Variants in EPHA4 observed in about 807,000 individuals in gnomAD.
EPHA4 encodes the protein EPH receptor A4, also known as ephrin type-A receptor 4.
In EPHA4, 19 loss-of-function variants were observed where a neutral mutation model predicts 108.3. The observed-to-expected ratio is 0.18, with a 90% CI of 0.12 to 0.26. The LOEUF (loss-of-function observed/expected upper bound fraction) is 0.26, where lower values mean the gene tolerates loss of function less well. EPHA4 is among the 10% of genes least tolerant of loss of function. The pLI, the probability that EPHA4 is intolerant of heterozygous loss-of-function variation, is 1.00. For synonymous variants in EPHA4, 449 were observed against 455.5 expected, an observed-to-expected ratio of 0.99 and a Z score of 0.18; for missense variants, 917 against 1,254.0, an observed-to-expected ratio of 0.73 and a Z score of 4.06.
chr2:221,467,249 G>C (rs532760938), intron 5 of EPHA4, among the ~76,000 whole-genome samples: 1 of 152,300 alleles, frequency 6.6e-6, no homozygotes, highest in South Asian at 2.1e-4. Flanking sequence ...TCTGTTCCTT[G>C]GCCTGGGTGA....
intron 15 of EPHA4, among the ~76,000 whole-genome samples, chr2:221,429,715 C>G (rs745786527): frequency 1.3e-5 from 2 of 152,120 alleles, no homozygotes; most frequent in Non-Finnish European, 2.9e-5. Flanking sequence ...TTATTTCTTT[C>G]CTACTATTAT....
chr2:221,549,982 A>G (rs1296766665), intron 3 of EPHA4, among the ~76,000 whole-genome samples: 1 of 152,156 alleles, frequency 6.6e-6, no homozygotes, highest in African/African-American at 2.4e-5. Flanking sequence ...CTCCATCTCA[A>G]ACAAACAAAC....
In EPHA4 at chr2:221,441,153, A is replaced by T. The variant is rs7579164; in HGVS notation, c.2074+1676T>A. Among the ~76,000 whole-genome samples, 613 of 150,702 alleles carry T rather than the reference A, an allele frequency of 4.1e-3. 4 individuals are homozygous for T. The highest frequency in any genetic ancestry group is 0.014 in the African/African-American group (589 of 40,974). ...AAGATTTTGTACTTTGTGTCCTACT[A>T]GCCACCTGCCCCAGGCCTAATGTCT... On this transcript the variant is annotated intron_variant, in intron 11 of 17. Coordinates refer to ENST00000281821, the MANE Select transcript of EPHA4 (RefSeq NM_004438.5).
chr2:221,473,816 T>C (rs917647979), intron 5 of EPHA4, among the ~76,000 whole-genome samples: 1 of 152,150 alleles, frequency 6.6e-6, no homozygotes, highest in African/African-American at 2.4e-5. Context: ...AATCTCTTGA[T>C]GGCTTCTCCA....
chr2:221,449,646 G>A (rs1200546026), intron 8 of EPHA4, among the ~76,000 whole-genome samples: 1 of 152,180 alleles, frequency 6.6e-6, no homozygotes, highest in Non-Finnish European at 1.5e-5. Flanking sequence ...AGAACAGCGT[G>A]AGCCCTCTCA....
chr2:221,447,988 C>T (rs996332408), intron 8 of EPHA4, among the ~76,000 whole-genome samples: 2 of 151,866 alleles, frequency 1.3e-5, no homozygotes, highest in African/African-American at 4.8e-5. Flanking sequence ...ATTATAGGCA[C>T]CCGCCACCCA....
At chr2:221,475,776 CT>C (rs1691636061) in intron 5 of EPHA4, among the ~76,000 whole-genome samples, 1 of 152,160 alleles carries the variant, frequency 6.6e-6, no homozygotes, top group South Asian at 2.1e-4. Flanking sequence ...AAATATTATT[CT>C]GTTTTTTATT....
intron 15 of EPHA4, among the ~76,000 whole-genome samples, chr2:221,426,972 T>C (rs1689930927): frequency 6.6e-6 from 1 of 152,154 alleles, no homozygotes; most frequent in South Asian, 2.1e-4. Flanking sequence ...AAGAGTCCAG[T>C]CTCTGCCAGT....
chr2:221,545,403 A>T (rs1693964876), intron 3 of EPHA4, among the ~76,000 whole-genome samples: 1 of 152,088 alleles, frequency 6.6e-6, no homozygotes. Context: ...CAGGAGGCGG[A>T]GGTTGCAGTG....
chr2:221,442,389 G>C (rs1408228317), intron 11 of EPHA4, among the ~76,000 whole-genome samples: 2 of 152,338 alleles, frequency 1.3e-5, no homozygotes, highest in Admixed American at 6.5e-5. Flanking sequence ...GAGCAGACAA[G>C]CAAATCCCGC....
chr2:221,568,222 A>G (rs1009163975), intron 2 of EPHA4, among the ~76,000 whole-genome samples: 5 of 152,240 alleles, frequency 3.3e-5, no homozygotes, highest in African/African-American at 4.8e-5. Flanking sequence ...CTCAGTGTGC[A>G]AAAGAACAGC....
intron 4 of EPHA4, among the ~76,000 whole-genome samples, chr2:221,497,343 C>T (rs769968275): frequency 6.6e-5 from 10 of 152,132 alleles, no homozygotes; most frequent in Non-Finnish European, 1.3e-4. Flanking sequence ...TGGTTACAGC[C>T]AAGGCGATCC....
intron 3 of EPHA4, among the ~76,000 whole-genome samples, chr2:221,536,674 T>C (rs1693676883): frequency 6.6e-6 from 1 of 152,208 alleles, no homozygotes; most frequent in African/African-American, 2.4e-5. Flanking sequence ...TTTAGAATGA[T>C]TGAAACATAA....
chr2:221,511,543 TCTATAAATCTTCTTCC>T (rs1457617424), intron 3 of EPHA4, among the ~76,000 whole-genome samples: 1 of 152,162 alleles, frequency 6.6e-6, no homozygotes, highest in Admixed American at 6.5e-5. Flanking sequence ...CCCTTTTTTG[TCTATAAATCTTCTTCC>T]ACCACATGTC....
chr2:221,482,413 C>T lies in EPHA4; in HGVS notation c.1257G>A (p.Val419=), dbSNP rs777539827. Residue 419 remains valine, a synonymous_variant, in exon 5 of 18, where the codon GTG becomes GTA. Coordinates refer to ENST00000281821, the MANE Select transcript of EPHA4 (RefSeq NM_004438.5). Reference sequence around the variant, plus strand: ...GGTCTGGGTTAGGGTTATATTTGGACACTCCATTCACAGCCCAGATTTCAA... The same window carrying T: ...GGTCTGGGTTAGGGTTATATTTGGATACTCCATTCACAGCCCAGATTTCAA... ...YTFEIWAVNG[V]SKYNPNPDQS... 15 of 1,613,908 alleles carry T rather than the reference C, an allele frequency of 9.3e-6. No individual in the cohort carries two copies. The highest frequency in any genetic ancestry group is 1.6e-4 in the Middle Eastern group (1 of 6,066).
At chr2:221,566,888 AG>A in intron 2 of EPHA4, among the ~76,000 whole-genome samples, 1 of 30,784 alleles carries the variant, frequency 3.2e-5, no homozygotes, top group African/African-American at 2.3e-4. Flanking sequence ...GAGAAGGAGA[AG>A]GAGAAGGAGA....
rs901875756 is a variant in EPHA4 at position 221,515,447 on chromosome 2, T to C, written c.824-14275A>G. On this transcript the variant is annotated intron_variant, in intron 3 of 17. Transcript: ENST00000281821. The stretch of plus-strand genomic sequence containing the variant: ...TTGATATCTCATTATTAATTAGTCT[T>C]CTTTTTCATATATCACAAAACAGTT... Among the ~76,000 whole-genome samples the C allele has an allele frequency of 5.3e-5, 8 of 152,358 alleles. No individual in the cohort carries two copies. The East Asian group carries it at 1.5e-3, about 29-fold the overall frequency.
intron 3 of EPHA4, among the ~76,000 whole-genome samples, chr2:221,542,118 A>G (rs543891339): frequency 6.6e-6 from 1 of 152,336 alleles, no homozygotes; most frequent in African/African-American, 2.4e-5. Context: ...ACCAGAGGCC[A>G]GGGTAGGCAG....
chr2:221,557,536 T>C (rs1015589239), intron 3 of EPHA4, among the ~76,000 whole-genome samples: 5 of 152,232 alleles, frequency 3.3e-5, no homozygotes, highest in East Asian at 1.9e-4. Context: ...AACTTGAGTT[T>C]AGGGAAGCTA....
Sources: allele counts gnomAD v4.1 joint callset (sites outside exome capture counted in the v4.1 genomes callset), GRCh38; gene constraint gnomAD v4.1.1; transcripts MANE v1.5; gene names NCBI Gene and HGNC (gene_info 2026-07-23, HGNC 2026-07-21).